Variants in BDNF observed in about 807,000 individuals in gnomAD.
The protein encoded by BDNF is brain derived neurotrophic factor, also known as neurotrophic factor BDNF precursor form.
In BDNF, 1 loss-of-function variant was observed where a neutral mutation model predicts 19.5. The ratio of observed to expected loss-of-function variants is 0.05; its 90% CI spans 0.02 to 0.24. BDNF has a LOEUF of 0.24. Ranked by LOEUF, BDNF falls within the 10% of genes least tolerant of loss-of-function variation. The pLI is 1.00. For synonymous variants in BDNF, 100 were observed against 121.6 expected (o/e 0.82, Z 1.17); for missense variants, 195 against 317.6 (o/e 0.61, Z 2.93).
chr11:27,659,098 A>G (rs770185772), intron 1 of BDNF: 54 of 1,011,904 alleles, frequency 5.3e-5, no homozygotes, highest in Non-Finnish European at 6.2e-5. Flanking sequence ...CTAGGCATGA[A>G]TAGCACAATA....
intron 1 of BDNF, among the ~76,000 whole-genome samples, chr11:27,684,902 T>C (rs1857288804): frequency 6.6e-6 from 1 of 152,246 alleles, no homozygotes; most frequent in Admixed American, 6.5e-5. Flanking sequence ...ATCAGGATGA[T>C]GCCGGACTCA....
At chr11:27,673,650 G>A (rs2133910848) in intron 1 of BDNF, among the ~76,000 whole-genome samples, 1 of 152,198 alleles carries the variant, frequency 6.6e-6, no homozygotes, top group South Asian at 2.1e-4. Context: ...GCCCTTCCCA[G>A]TTTTTCCACA....
chr11:27,688,959 A>G (rs139194754), intron 1 of BDNF, among the ~76,000 whole-genome samples: 1,725 of 152,376 alleles, frequency 0.011, 15 homozygotes, highest in Non-Finnish European at 0.018. Flanking sequence ...ATCAAAAGTC[A>G]TATATTCATT....
At chr11:27,670,182 G>A (rs1369435438) in intron 1 of BDNF, among the ~76,000 whole-genome samples, 3 of 152,182 alleles carry the variant, frequency 2.0e-5, no homozygotes, top group Non-Finnish European at 1.5e-5. Context: ...TTAATAAATG[G>A]TGCTGGGAAA....
chr11:27,667,948 A>C (rs554088224), intron 1 of BDNF, among the ~76,000 whole-genome samples: 3 of 152,356 alleles, frequency 2.0e-5, no homozygotes, highest in African/African-American at 7.2e-5. Context: ...CTCCACTCCA[A>C]ATCAACAGAA....
Position 27,656,692 on chromosome 11 carries a change from C to T in BDNF, c.*1129G>A. The T allele has an allele frequency of 4.1e-6, 4 of 985,576 alleles. No individual in the cohort carries two copies. The highest frequency in any genetic ancestry group is 4.8e-6 in the Non-Finnish European group (4 of 829,928). The allele number at this position is 985,576 out of a possible 1,614,324, so 61.1% of individuals were successfully genotyped here. On this transcript the variant is annotated 3_prime_UTR_variant, in exon 2 of 2. Transcript: ENST00000356660. ...GATACAGGGCTCTACCTTTTGCTTACAAGACATTGTTAAGCCTCACCATGA... is the reference window on the plus strand; with the variant it reads ...GATACAGGGCTCTACCTTTTGCTTATAAGACATTGTTAAGCCTCACCATGA...
upstream of BDNF, chr11:27,700,867 G>T (rs1367406464): frequency 5.7e-5 from 73 of 1,272,568 alleles, no homozygotes; most frequent in Non-Finnish European, 7.4e-5. Context: ...AGAATCGCAC[G>T]CCCCGAGGTC....
At chr11:27,698,549 G>T (rs1859462628) in intron 1 of BDNF, among the ~76,000 whole-genome samples, 1 of 152,034 alleles carries the variant, frequency 6.6e-6, no homozygotes, top group Non-Finnish European at 1.5e-5. Flanking sequence ...GACCAAAATG[G>T]CTTTTGACCT....
chr11:27,658,254 G>A lies in BDNF; in HGVS notation c.311C>T (p.Pro104Leu). ...TTCCTCCAGCAGAAAGAGAAGAGGA[G>A]GCTCCAAAGGCACTTGACTACTGAG... ...VMLSSQVPLE[P>L]PLLFLLEEYK... Residue 104 changes from proline to leucine, a missense_variant, in exon 2 of 2, where the codon CCT becomes CTT. Coordinates refer to ENST00000356660, the MANE Select transcript of BDNF (RefSeq NM_001709.5). This position sits in a 1 kb window ranked among gnomAD's most constrained non-coding sequence, Gnocchi z 5.7. 6.2e-7 allele frequency: 1 copy of A among 1,613,930 alleles called. No individual in the cohort carries two copies. Among genetic ancestry groups the A allele is most frequent in the Non-Finnish European group, 8.5e-7 (1 of 1,180,026 alleles).
intron 1 of BDNF, among the ~76,000 whole-genome samples, chr11:27,670,170 A>G (rs568566154): frequency 1.3e-4 from 20 of 152,350 alleles, no homozygotes; most frequent in African/African-American, 4.3e-4. Context: ...AGGATTCTCT[A>G]TTTAATAAAT....
In BDNF at chr11:27,658,866, G is replaced by T; in HGVS notation, c.-21-281C>A. On this transcript the variant is annotated intron_variant, in intron 1 of 1. Coordinates refer to ENST00000356660, the MANE Select transcript of BDNF (RefSeq NM_001709.5). The surrounding 1 kb of genome is among the most constrained non-coding windows in gnomAD (Gnocchi z 5.7). Reference sequence around the variant, plus strand: ...GCAAGTGCAAAAATTGTGGCTTCAAGTTCTCCTTCTTCCCACTTTAGCAGC... The same window carrying T: ...GCAAGTGCAAAAATTGTGGCTTCAATTTCTCCTTCTTCCCACTTTAGCAGC... 7.7e-7 allele frequency: 1 copy of T among 1,302,004 alleles called. No homozygotes were observed. The highest frequency in any genetic ancestry group is 9.8e-7 in the Non-Finnish European group (1 of 1,016,298). 80.7% of individuals were successfully genotyped at this position (1,302,004 alleles called of 1,614,324 possible).
intron 1 of BDNF, among the ~76,000 whole-genome samples, chr11:27,713,836 G>A (rs1040315673): frequency 1.3e-5 from 2 of 152,182 alleles, no homozygotes; most frequent in Non-Finnish European, 2.9e-5. Context: ...GGATCAAAAT[G>A]TCCTATACAA....
chr11:27,721,455 T>G, exon 1 of BDNF: 1 of 1,612,580 alleles, frequency 6.2e-7, no homozygotes. Flanking sequence ...TCTTAAAATC[T>G]CGTCTCCCCA....
At chr11:27,708,533 TGTTA>T (rs1196475532) in intron 1 of BDNF, among the ~76,000 whole-genome samples, 1 of 152,134 alleles carries the variant, frequency 6.6e-6, no homozygotes, top group Non-Finnish European at 1.5e-5. Context: ...AAATTCATAT[TGTTA>T]TTTATATGAT....
intron 1 of BDNF, among the ~76,000 whole-genome samples, chr11:27,672,753 A>C (rs1778712245): frequency 6.6e-6 from 1 of 152,176 alleles, no homozygotes; most frequent in Admixed American, 6.5e-5. Flanking sequence ...CATTTGATTC[A>C]AGACTGAAGT....
rs549012096 is a variant in BDNF at position 27,716,010 on chromosome 11, C to T, written c.3+5402G>A. 3.9e-5 allele frequency among the ~76,000 whole-genome samples: 6 copies of T among 152,222 alleles called. 1 individual carries two copies. The South Asian group carries it at 1.2e-3, about 32-fold the overall frequency. ...AAATCCACCTGAATTTTTAAAAAGTCAGAATGAATACTCCAAAAATTGCCA... is the reference window on the plus strand; with the variant it reads ...AAATCCACCTGAATTTTTAAAAAGTTAGAATGAATACTCCAAAAATTGCCA... On this transcript the variant is annotated intron_variant, in intron 1 of 1. Transcript: ENST00000314915.
intron 1 of BDNF, among the ~76,000 whole-genome samples, chr11:27,662,089 A>C (rs901985157): frequency 6.6e-6 from 1 of 151,650 alleles, no homozygotes; most frequent in Non-Finnish European, 1.5e-5. Flanking sequence ...TGCAATCTCC[A>C]CCTCCTGGGT....
At position 27,656,658 on chromosome 11, in the gene BDNF, T is replaced by G. The variant is rs1852583447; in HGVS notation, c.*1163A>C. 1.0e-6 allele frequency: 1 copy of G among 985,632 alleles called. No individual in the cohort carries two copies. The highest frequency in any genetic ancestry group is 4.7e-5 in the South Asian group (1 of 21,280). The allele number at this position is 985,632 out of a possible 1,614,324, so 61.1% of individuals were successfully genotyped here. On this transcript the variant is annotated 3_prime_UTR_variant, in exon 2 of 2. Transcript: ENST00000356660. The stretch of plus-strand genomic sequence containing the variant: ...TGGATTCCTGTTCTGATCTAGGTGT[T>G]TCTGGGTTGATACAGGGCTCTACCT...
intron 1 of BDNF, among the ~76,000 whole-genome samples, chr11:27,706,117 G>C (rs1007007256): frequency 1.3e-5 from 2 of 152,184 alleles, no homozygotes; most frequent in Non-Finnish European, 2.9e-5. Flanking sequence ...GCACTTAGAG[G>C]CGGGGGAGGG....
Sources: allele counts gnomAD v4.1 joint callset (sites outside exome capture counted in the v4.1 genomes callset), GRCh38; gene constraint gnomAD v4.1.1; non-coding constraint Gnocchi (gnomAD v3.1); transcripts MANE v1.5; gene names NCBI Gene and HGNC (gene_info 2026-07-23, HGNC 2026-07-21).